The following PIGF variants were observed in gnomAD, a reference collection of about 807,000 sequenced individuals.
PIGF encodes phosphatidylinositol glycan anchor biosynthesis class F.
Under a neutral mutation model 26.0 loss-of-function variants are expected in PIGF, and 23 were observed. The observed-to-expected ratio is 0.88, with a 90% CI of 0.64 to 1.25. The LOEUF (loss-of-function observed/expected upper bound fraction) is 1.25, where lower values mean the gene tolerates loss of function less well. Among genes scored for constraint, PIGF ranks in the 50% most tolerant of loss-of-function variants. PIGF has a pLI of 0.00. For synonymous variants in PIGF, 93 were observed against 92.6 expected (o/e 1.00, Z -0.03); for missense variants, 278 against 249.9 (o/e 1.11, Z -0.76).
intron 4 of PIGF, among the ~76,000 whole-genome samples, chr2:46,607,648 C>T (rs554979884): frequency 3.8e-4 from 58 of 151,844 alleles, no homozygotes; most frequent in African/African-American, 1.1e-3. Flanking sequence ...TTGATGTTGA[C>T]GGCTGCTGAC....
At chr2:46,603,028 A>C in intron 4 of PIGF, among the ~76,000 whole-genome samples, 1 of 152,124 alleles carries the variant, frequency 6.6e-6, no homozygotes, top group Non-Finnish European at 1.5e-5. Context: ...AGGATACAAA[A>C]TCAACATACA....
chr2:46,592,427 A>T (rs938438149), intron 5 of PIGF, 48 bp downstream of exon 5: 3 of 950,900 alleles, frequency 3.2e-6, no homozygotes, highest in Non-Finnish European at 5.2e-6. Context: ...CTGTTTTACT[A>T]TCATTGTACA....
intron 5 of PIGF, among the ~76,000 whole-genome samples, chr2:46,584,900 G>C (rs1267198125): frequency 3.3e-5 from 5 of 152,086 alleles, no homozygotes; most frequent in Admixed American, 2.6e-4. Context: ...GTTTCCTACT[G>C]ATTTTCTTAT....
chr2:46,600,787 C>T (rs1160645539), intron 4 of PIGF, among the ~76,000 whole-genome samples: 6 of 152,038 alleles, frequency 3.9e-5, no homozygotes, highest in Admixed American at 6.6e-5. Context: ...TATAGAGATA[C>T]AGTAGCTAAG....
chr2:46,613,902 C>G (rs940186180), intron 2 of PIGF, 117 bp from the exon 3 acceptor site: 4 of 818,640 alleles, frequency 4.9e-6, no homozygotes, highest in Non-Finnish European at 5.8e-6. Flanking sequence ...TTCAAATGTT[C>G]TTGGGTATAC....
Position 46,581,441 on chromosome 2 carries a change from C to T in PIGF, c.*37G>A, listed in dbSNP as rs372737276. ...CATACACATTTCTGCCCAGCCCTTA[C>T]AGAATCTGCACAAAGAAATATCTCC... On this transcript the variant is annotated 3_prime_UTR_variant, in exon 6 of 6. Transcript: ENST00000281382. The T allele has an allele frequency of 1.8e-4, 287 of 1,597,600 alleles. No individual in the cohort carries two copies. The highest frequency in any genetic ancestry group is 6.8e-4 in the Middle Eastern group (3 of 4,412).
intron 4 of PIGF, among the ~76,000 whole-genome samples, chr2:46,603,867 C>T (rs754640205): frequency 5.3e-5 from 8 of 151,852 alleles, no homozygotes; most frequent in African/African-American, 1.9e-4. Flanking sequence ...GGAATCACAT[C>T]AAGTTAAAAA....
intron 5 of PIGF, chr2:46,591,814 T>A (rs1236920164): frequency 2.9e-5 from 38 of 1,294,144 alleles, no homozygotes; most frequent in Non-Finnish European, 3.7e-5. Flanking sequence ...TCACAGTGCT[T>A]TACCTAGCAT....
intron 5 of PIGF, among the ~76,000 whole-genome samples, chr2:46,585,020 T>C (rs1669523642): frequency 6.6e-6 from 1 of 152,244 alleles, no homozygotes; most frequent in Non-Finnish European, 1.5e-5. Context: ...TTTAAAACTA[T>C]TTCCTTATCT....
Position 46,613,855 on chromosome 2 carries a change from C to G in PIGF, c.229-70G>C. 3 of 1,297,186 alleles carry G rather than the reference C, an allele frequency of 2.3e-6. No homozygotes were observed. In the African/African-American group the frequency reaches 4.5e-5, roughly 19 times the overall value. 80.4% of individuals were successfully genotyped at this position (1,297,186 alleles called of 1,614,324 possible). A position where few individuals can be genotyped will look rare whatever the true frequency, so the allele number is the denominator to read the frequency against. On this transcript the variant is annotated intron_variant, in intron 2 of 5. Coordinates refer to ENST00000281382, the MANE Select transcript of PIGF (RefSeq NM_002643.4). ...AGGACAATAAATTCTTCCATTTCAT[C>G]TACAAACACAACTTGTTCCCATAAT...
intron 5 of PIGF, 115 bp from the exon 6 acceptor site, chr2:46,581,706 A>G (rs1669383795): frequency 2.1e-6 from 3 of 1,424,812 alleles, no homozygotes; most frequent in East Asian, 2.6e-5. Flanking sequence ...AAAGAATGCC[A>G]AAAGTGTAAT....
chr2:46,591,088 A>T (rs1239273988), intron 5 of PIGF, among the ~76,000 whole-genome samples: 3 of 152,226 alleles, frequency 2.0e-5, no homozygotes, highest in African/African-American at 7.2e-5. Context: ...ATATGCAAAG[A>T]TGTATAAGTA....
chr2:46,593,406 T>C (rs1001528591), intron 4 of PIGF, among the ~76,000 whole-genome samples: 1 of 152,212 alleles, frequency 6.6e-6, no homozygotes, highest in Non-Finnish European at 1.5e-5. Context: ...GTTGGGATTA[T>C]AGGCATGAGC....
At position 46,616,988 on chromosome 2, in the gene PIGF, G is replaced by A. The variant is rs928375683; in HGVS notation, c.-40C>T. 2.9e-5 allele frequency: 16 copies of A among 546,274 alleles called. 1 individual carries two copies. Among genetic ancestry groups the A allele is most frequent in the Non-Finnish European group, 3.9e-5 (12 of 306,698 alleles). 33.8% of individuals were successfully genotyped at this position (546,274 alleles called of 1,614,324 possible). ...GGCTTACCTAACTCTCCCTCCCGCGGAAGGGAAGCGGGGAACTACTGCCTC... is the reference window on the plus strand; with the variant it reads ...GGCTTACCTAACTCTCCCTCCCGCGAAAGGGAAGCGGGGAACTACTGCCTC... On this transcript the variant is annotated 5_prime_UTR_variant, in exon 1 of 6. Coordinates refer to ENST00000281382, the MANE Select transcript of PIGF (RefSeq NM_002643.4).
intron 3 of PIGF, 84 bp downstream of exon 3, chr2:46,613,610 T>C: frequency 1.0e-6 from 1 of 959,190 alleles, no homozygotes; most frequent in East Asian, 2.8e-5. Flanking sequence ...CATCATGGTT[T>C]TTCTCTAGTT....
chr2:46,613,296 G>A (rs565961080), intron 3 of PIGF, among the ~76,000 whole-genome samples: 73 of 152,152 alleles, frequency 4.8e-4, no homozygotes, highest in African/African-American at 1.4e-3. Context: ...TTTGAATACA[G>A]GAATCTATTG....
At chr2:46,611,367 C>G (rs190019121) in intron 4 of PIGF, among the ~76,000 whole-genome samples, 65 of 152,010 alleles carry the variant, frequency 4.3e-4, no homozygotes, top group African/African-American at 1.4e-3. Context: ...ACCTGTAGTC[C>G]CAGCTACTTG....
chr2:46,596,016 C>A (rs374287719), intron 4 of PIGF, among the ~76,000 whole-genome samples: 1 of 152,028 alleles, frequency 6.6e-6, no homozygotes, highest in Non-Finnish European at 1.5e-5. Context: ...AGTTCGAGAC[C>A]AGCCTGGCCA....
At chr2:46,605,591 G>A (rs1670192680) in intron 4 of PIGF, among the ~76,000 whole-genome samples, 1 of 152,038 alleles carries the variant, frequency 6.6e-6, no homozygotes, top group Non-Finnish European at 1.5e-5. Context: ...GTACATATTA[G>A]TTTTATTCTA....
Sources: gnomAD v4.1 joint callset for allele counts (sites outside exome capture counted in the v4.1 genomes callset) on GRCh38, gnomAD v4.1.1 for gene constraint, MANE v1.5 for transcripts, NCBI Gene and HGNC (gene_info 2026-07-23, HGNC 2026-07-21) for gene names.